The following STK17B variants were observed in gnomAD, a reference collection of about 807,000 sequenced individuals.
The protein encoded by STK17B is serine/threonine-protein kinase 17B.
STK17B carries 21 observed loss-of-function variants against 42.0 expected under a neutral mutation model. The ratio of observed to expected loss-of-function variants is 0.50; its 90% CI spans 0.35 to 0.72. STK17B has a LOEUF of 0.72. Ranked by LOEUF, STK17B falls within the 30% of genes least tolerant of loss-of-function variation. STK17B has a pLI of 0.00. For missense variants in STK17B, 349 were observed against 446.0 expected, an observed-to-expected ratio of 0.78 and a Z score of 1.96; for synonymous variants, 143 against 148.4, an observed-to-expected ratio of 0.96 and a Z score of 0.26.
intron 7 of STK17B, among the ~76,000 whole-genome samples, chr2:196,139,025 G>A (rs930169266): frequency 5.9e-5 from 9 of 152,054 alleles, no homozygotes; most frequent in Non-Finnish European, 1.2e-4. Flanking sequence ...AGAGTGCAGT[G>A]GCGCGATCTC....
intron 3 of STK17B, chr2:196,154,798 G>A (rs1699717233): frequency 6.6e-6 from 1 of 152,188 alleles, no homozygotes; most frequent in Non-Finnish European, 1.5e-5. Context: ...CCCCAAAAGC[G>A]GAAGGCATAG....
chr2:196,174,811 G>T (rs958309720), upstream of STK17B, among the ~76,000 whole-genome samples: 2 of 152,240 alleles, frequency 1.3e-5, no homozygotes, highest in Non-Finnish European at 2.9e-5. Flanking sequence ...CACATCCCCT[G>T]ACTCTCTTGA....
upstream of STK17B, among the ~76,000 whole-genome samples, chr2:196,172,903 C>A (rs1699965201): frequency 6.6e-6 from 1 of 152,118 alleles, no homozygotes; most frequent in Non-Finnish European, 1.5e-5. Context: ...TCTTTTCTTT[C>A]ATGAGCATAG....
intron 2 of STK17B, among the ~76,000 whole-genome samples, chr2:196,162,602 T>C (rs1401988387): frequency 6.6e-6 from 1 of 151,942 alleles, no homozygotes; most frequent in Non-Finnish European, 1.5e-5. Context: ...ACGACAGCAC[T>C]AAGAGGTACA....
rs749847967 is a variant in STK17B, at chr2:196,141,247, A to G, written c.656+2T>C. 1 of 1,604,866 alleles carries G rather than the reference A, an allele frequency of 6.2e-7. No individual in the cohort carries two copies. Reference sequence around the variant, plus strand: ...TGTTTAAGGTAACTAACAACATCTTACCACATATCTGTTGCTGTGGTAATG... The same window carrying G: ...TGTTTAAGGTAACTAACAACATCTTGCCACATATCTGTTGCTGTGGTAATG... On this transcript the variant is annotated splice_donor_variant, in intron 6 of 7. Transcript: ENST00000263955. LOFTEE classifies it high-confidence loss of function.
rs145740983 is a variant in STK17B, at chr2:196,169,248, G to C, written c.-45+2085C>G. 0.02 allele frequency among the ~76,000 whole-genome samples: 2,970 copies of C among 151,828 alleles called. 255 individuals carry two copies. The East Asian group carries it at 0.27, about 14-fold the overall frequency. Reference sequence around the variant, plus strand: ...GCGCCACAATGCCCGGCTAATTTTTGTATTTTTAGTAGACACGGGGTTTCA... The same window carrying C: ...GCGCCACAATGCCCGGCTAATTTTTCTATTTTTAGTAGACACGGGGTTTCA... On this transcript the variant is annotated intron_variant, in intron 1 of 7. Coordinates refer to ENST00000263955, the MANE Select transcript of STK17B (RefSeq NM_004226.4).
intron 5 of STK17B, among the ~76,000 whole-genome samples, chr2:196,142,959 T>C (rs909294379): frequency 6.6e-6 from 1 of 152,220 alleles, no homozygotes; most frequent in Non-Finnish European, 1.5e-5. Context: ...ATATGCATAA[T>C]CTAATTTGTT....
At chr2:196,154,257 C>CAACAACAAA (rs145262068) in intron 3 of STK17B, 1 of 151,966 alleles carries the variant, frequency 6.6e-6, no homozygotes, top group Admixed American at 6.6e-5. Flanking sequence ...ACAACAACAA[C>CAACAACAAA]AACAAAAGAT....
upstream of STK17B, among the ~76,000 whole-genome samples, chr2:196,172,088 C>T (rs1223799950): frequency 6.6e-6 from 1 of 152,206 alleles, no homozygotes; most frequent in Non-Finnish European, 1.5e-5. Context: ...CAGTTTGCTA[C>T]AACTTGGCAG....
At chr2:196,151,215 G>T (rs920475299) in intron 3 of STK17B, 1 of 151,844 alleles carries the variant, frequency 6.6e-6, no homozygotes, top group African/African-American at 2.4e-5. Flanking sequence ...CTATTTCTAG[G>T]ACAAAGTTTT....
chr2:196,169,068 ATTTTTTTTTTT>A (rs571438990), intron 1 of STK17B, among the ~76,000 whole-genome samples: 6 of 112,684 alleles, frequency 5.3e-5, no homozygotes, highest in Non-Finnish European at 5.4e-5. Context: ...TAGGAATACT[ATTTTTTTTTTT>A]TTTTTTTTTT....
At chr2:196,142,931 AC>A (rs1699513495) in intron 5 of STK17B, among the ~76,000 whole-genome samples, 1 of 152,242 alleles carries the variant, frequency 6.6e-6, no homozygotes, top group Non-Finnish European at 1.5e-5. Flanking sequence ...ACTGCTTCAT[AC>A]AACTTAAAAA....
chr2:196,160,198 ACCCTTCTGCATTC>A (rs200401106), intron 2 of STK17B, among the ~76,000 whole-genome samples: 1 of 151,960 alleles, frequency 6.6e-6, no homozygotes, highest in Non-Finnish European at 1.5e-5. Context: ...TCTAGTAGTT[ACCCTTCTGCATTC>A]CCCTTCTGCA....
intron 3 of STK17B, among the ~76,000 whole-genome samples, chr2:196,147,734 A>ATTTTTTT (rs200152797): frequency 1.4e-5 from 2 of 145,430 alleles, no homozygotes; most frequent in Non-Finnish European, 1.5e-5. Flanking sequence ...GAGACATAAT[A>ATTTTTTT]TATTTTTTTT....
In STK17B at chr2:196,134,077, A is replaced by C. The variant is rs1402901310; in HGVS notation, c.*3370T>G. The C allele has an allele frequency of 6.6e-6, 1 of 152,240 alleles. No individual in the cohort carries two copies. The allele number at this position is 152,240 out of a possible 1,614,324, so 9.4% of individuals were successfully genotyped here. On this transcript the variant is annotated 3_prime_UTR_variant, in exon 8 of 8. Transcript: ENST00000263955. ...GTATTTATAAATGTTGCTTAGAGGAAGGCTATTCAAAGCATGGTCCATTAA... is the reference window on the plus strand; with the variant it reads ...GTATTTATAAATGTTGCTTAGAGGACGGCTATTCAAAGCATGGTCCATTAA...
At chr2:196,155,829 A>T (rs2105701472) in intron 3 of STK17B, among the ~76,000 whole-genome samples, 1 of 152,346 alleles carries the variant, frequency 6.6e-6, no homozygotes, top group South Asian at 2.1e-4. Context: ...CACCTGGTGA[A>T]CTGTAGAATA....
intron 4 of STK17B, among the ~76,000 whole-genome samples, chr2:196,144,950 C>T (rs1439753892): frequency 6.6e-6 from 1 of 151,854 alleles, no homozygotes; most frequent in Non-Finnish European, 1.5e-5. Flanking sequence ...GGTTTATATG[C>T]CATCCCACTT....
At chr2:196,143,167 C>T (rs1417171816) in intron 5 of STK17B, among the ~76,000 whole-genome samples, 1 of 152,136 alleles carries the variant, frequency 6.6e-6, no homozygotes, top group East Asian at 1.9e-4. Context: ...GAATTGGGAC[C>T]AGAAATAGAA....
chr2:196,168,110 T>G (rs77562397), intron 1 of STK17B, among the ~76,000 whole-genome samples: 3,555 of 152,324 alleles, frequency 0.023, 54 homozygotes, highest in Middle Eastern at 0.044. Context: ...TTTTGTTTTT[T>G]AAAATATTTT....
Sources: allele counts gnomAD v4.1 joint callset (sites outside exome capture counted in the v4.1 genomes callset), GRCh38; gene constraint gnomAD v4.1.1; transcripts MANE v1.5; gene names NCBI Gene and HGNC (gene_info 2026-07-23, HGNC 2026-07-21).